Variants in CHD2 observed in about 807,000 individuals in gnomAD.
CHD2 encodes the protein ATP-dependent chromatin remodeler CHD2.
A neutral mutation model predicts 243.9 loss-of-function variants in CHD2; 28 were observed. The observed-to-expected ratio is 0.11, with a 90% CI of 0.09 to 0.16. CHD2 has a LOEUF of 0.16. Among genes scored for constraint, CHD2 ranks in the 10% least tolerant of loss-of-function variants. CHD2 has a pLI of 1.00. For synonymous variants in CHD2, 775 were observed against 779.0 expected, an observed-to-expected ratio of 0.99 and a Z score of 0.09; for missense variants, 1,386 against 2,209.8, an observed-to-expected ratio of 0.63 and a Z score of 7.47.
chr15:92,978,121 A>G (rs2141843048), intron 20 of CHD2, 113 bp from the exon 21 acceptor site: 1 of 1,213,808 alleles, frequency 8.2e-7, no homozygotes, highest in Non-Finnish European at 1.2e-6. Flanking sequence ...TTTGTCCATC[A>G]TATCTCACTT....
intron 16 of CHD2, among the ~76,000 whole-genome samples, chr15:92,963,711 G>C (rs770884652): frequency 4.6e-5 from 7 of 152,118 alleles, no homozygotes; most frequent in Admixed American, 1.3e-4. Context: ...AAGATGTCCC[G>C]TATGACACAG....
Position 92,900,814 on chromosome 15 carries a change from A to T in CHD2, c.-82A>T, listed in dbSNP as rs2052518525. On this transcript the variant is annotated 5_prime_UTR_variant, in exon 1 of 39. Transcript: ENST00000394196. ...ATAGGACTCTTGGTTTGGACATACTACATGGATCAGGTAAGTTCACGATCA... is the reference window on the plus strand; with the variant it reads ...ATAGGACTCTTGGTTTGGACATACTTCATGGATCAGGTAAGTTCACGATCA... 2.5e-6 allele frequency: 1 copy of T among 399,718 alleles called. No individual in the cohort carries two copies. The allele number at this position is 399,718 out of a possible 1,614,324, so 24.8% of individuals were successfully genotyped here. A position where few individuals can be genotyped will look rare whatever the true frequency, so the allele number is the denominator to read the frequency against.
At chr15:92,923,219 A>T (rs962119528) in intron 2 of CHD2, among the ~76,000 whole-genome samples, 1 of 152,064 alleles carries the variant, frequency 6.6e-6, no homozygotes, top group Admixed American at 6.5e-5. Flanking sequence ...GATAATTGCA[A>T]CCAGTTTGCA....
At chr15:93,008,473 C>T (rs549373047) in intron 34 of CHD2, among the ~76,000 whole-genome samples, 35 of 152,296 alleles carry the variant, frequency 2.3e-4, no homozygotes, top group Non-Finnish European at 4.3e-4. Flanking sequence ...GACACCTCGC[C>T]GTTGGGGGAA....
At chr15:92,973,928 G>A (rs1187569469) in intron 19 of CHD2, 14 of 152,208 alleles carry the variant, frequency 9.2e-5, no homozygotes, top group Admixed American at 9.2e-4. Context: ...TAGTCAGTGA[G>A]AAAGAAGTAA....
chr15:92,973,130 G>T (rs1398222431), intron 19 of CHD2, among the ~76,000 whole-genome samples: 1 of 152,152 alleles, frequency 6.6e-6, no homozygotes, highest in African/African-American at 2.4e-5. Flanking sequence ...CCCAAAAGTT[G>T]ACCCTGGCTG....
At chr15:92,932,836 T>C (rs796401652) in intron 5 of CHD2, among the ~76,000 whole-genome samples, 52 of 151,940 alleles carry the variant, frequency 3.4e-4, no homozygotes, top group African/African-American at 1.1e-3. Flanking sequence ...CAGCTCACTG[T>C]GACTCAAGTG....
At chr15:92,913,883 C>T (rs1036424401) in intron 2 of CHD2, among the ~76,000 whole-genome samples, 2 of 152,054 alleles carry the variant, frequency 1.3e-5, no homozygotes, top group African/African-American at 2.4e-5. Context: ...ATTGAGAAAC[C>T]GTGCTTGCCT....
intron 16 of CHD2, among the ~76,000 whole-genome samples, chr15:92,961,221 C>T (rs1303869550): frequency 6.6e-6 from 1 of 152,166 alleles, no homozygotes; most frequent in Non-Finnish European, 1.5e-5. Flanking sequence ...GCCATGTCAA[C>T]CTTCACTTTG....
chr15:92,933,083 C>T (rs1464734705), intron 5 of CHD2, among the ~76,000 whole-genome samples: 1 of 148,076 alleles, frequency 6.8e-6, no homozygotes, highest in African/African-American at 2.5e-5. Flanking sequence ...CAGGGTCTTC[C>T]TCTATTGGTG....
At chr15:92,932,582 T>C (rs372006160) in intron 5 of CHD2, among the ~76,000 whole-genome samples, 47 of 152,104 alleles carry the variant, frequency 3.1e-4, no homozygotes, top group African/African-American at 1.1e-3. Context: ...CTCAGAATGA[T>C]GGTTTCTAGC....
chr15:92,901,324 T>C, intron 2 of CHD2, 25 bp downstream of exon 2: 2 of 1,488,522 alleles, frequency 1.3e-6, no homozygotes, highest in Non-Finnish European at 1.9e-6. Flanking sequence ...CTTTCTTCCT[T>C]TTTGTCTTTT....
At chr15:92,967,790 A>G (rs1381697296) in intron 17 of CHD2, among the ~76,000 whole-genome samples, 1 of 151,868 alleles carries the variant, frequency 6.6e-6, no homozygotes, top group Non-Finnish European at 1.5e-5. Context: ...CGGCCTCCCA[A>G]CGTTTTGTTG....
At chr15:92,904,446 G>A in intron 2 of CHD2, 1 of 988,836 alleles carries the variant, frequency 1.0e-6, no homozygotes. Context: ...GCGTGCGCAT[G>A]TCGGGCGCTT....
intron 16 of CHD2, 124 bp from the exon 17 acceptor site, chr15:92,967,201 A>G (rs1442017582): frequency 7.8e-6 from 5 of 640,820 alleles, no homozygotes; most frequent in Middle Eastern, 4.4e-4. Context: ...TTTCCCTTCT[A>G]TTTAAGAGCT....
chr15:92,919,699 CTT>C (rs1187216149), intron 2 of CHD2, among the ~76,000 whole-genome samples: 1 of 152,120 alleles, frequency 6.6e-6, no homozygotes. Context: ...CCTAAAAACA[CTT>C]TTTAAAAACA....
chr15:92,917,143 C>T lies in CHD2; in HGVS notation c.63-7178C>T, dbSNP rs561221508. ...TACATTGAAATTTTGTTTCCCAGTC[C>T]GTCTGGGAAACAAGTTACTTGTCTT... On this transcript the variant is annotated intron_variant, in intron 2 of 38. Coordinates refer to ENST00000394196, the MANE Select transcript of CHD2 (RefSeq NM_001271.4). 7.9e-5 allele frequency among the ~76,000 whole-genome samples: 12 copies of T among 152,144 alleles called. No individual in the cohort carries two copies. In the East Asian group the frequency reaches 1.4e-3, roughly 17 times the overall value.
chr15:92,967,224 A>G (rs78615057), intron 16 of CHD2, 101 bp from the exon 17 acceptor site: 4 of 819,492 alleles, frequency 4.9e-6, no homozygotes, highest in Non-Finnish European at 7.5e-6. Context: ...AGTGATTGAT[A>G]ATGTCTTTCC....
chr15:92,939,810 A>T, intron 7 of CHD2, 92 bp downstream of exon 7: 1 of 1,303,842 alleles, frequency 7.7e-7, no homozygotes, highest in South Asian at 1.5e-5. Flanking sequence ...TGTGCACTTA[A>T]TAGATAAAAA....
Sources: gnomAD v4.1 joint callset for allele counts (sites outside exome capture counted in the v4.1 genomes callset) on GRCh38, gnomAD v4.1.1 for gene constraint, MANE v1.5 for transcripts, NCBI Gene and HGNC (gene_info 2026-07-23, HGNC 2026-07-21) for gene names.